The following NOP56 variants were observed in gnomAD, a reference collection of about 807,000 sequenced individuals.
NOP56 encodes the protein nucleolar protein 56.
Under a neutral mutation model 58.3 loss-of-function variants are expected in NOP56, and 31 were observed. The observed-to-expected ratio is 0.53, with a 90% CI of 0.40 to 0.72. The LOEUF (loss-of-function observed/expected upper bound fraction) is 0.72. Ranked by LOEUF, NOP56 falls within the 30% of genes least tolerant of loss-of-function variation. NOP56 has a pLI of 0.00. For missense variants in NOP56, 669 were observed against 739.9 expected (o/e 0.90, Z 1.11); for synonymous variants, 313 against 282.8 (o/e 1.11, Z -1.07).
At chr20:2,653,097 C>T in intron 2 of NOP56, 166 bp downstream of exon 2, 1 of 764,590 alleles carries the variant, frequency 1.3e-6, no homozygotes, top group South Asian at 1.8e-5. Context: ...TGGGTAGAAT[C>T]GCTCTAGCAA....
chr20:2,657,934 G>T lies in NOP56; in HGVS notation c.1425G>T (p.Met475Ile), dbSNP rs541896402. 5.7e-6 allele frequency: 9 copies of T among 1,583,032 alleles called. No individual in the cohort carries two copies. The South Asian group carries it at 6.9e-5, about 12-fold the overall frequency. The change falls in exon 12 of 12, where the codon ATG becomes ATT. Residue 475 changes from methionine (M) to isoleucine (I), a missense_variant. Met to Ile is a conservative substitution (Grantham distance 10). Transcript: ENST00000329276. ...TCCCCTGTCCTTCCCTTTAGGAGAT[G>T]AGTGAAAAACCCAAAAAGAAGAAAA... ...SSSTPEECEE[M>I]SEKPKKKKKQ...
rs551471610 is a variant in NOP56, at chr20:2,653,652, CTA to C, written c.208+261_208+262del. 1.2e-4 allele frequency: 53 copies of C among 431,024 alleles called. No individual in the cohort carries two copies. In the East Asian group the frequency reaches 1.7e-3, roughly 14 times the overall value. The allele number at this position is 431,024 out of a possible 1,614,324, so 26.7% of individuals were successfully genotyped here. On this transcript the variant is annotated intron_variant, in intron 3 of 11. Transcript: ENST00000329276. ...TCCTTGTGGGCACTGTAGTGACAAA[CTA>C]TTTTTTATTTTTATTTTTTTTGAGA... is the stretch of plus-strand genomic sequence containing the variant.
At chr20:2,654,298 GAGGGATCT>G in intron 3 of NOP56, 108 bp from the exon 4 acceptor site, 2 of 1,009,564 alleles carry the variant, frequency 2.0e-6, no homozygotes, top group Non-Finnish European at 3.2e-6. Flanking sequence ...GCCTGATGGG[GAGGGATCT>G]AGGTATGCCA....
chr20:2,654,402 C>CT lies in NOP56; in HGVS notation c.209-9dup. ...TCAGCCTGTTAGTGGGAACTGTGTTCTTTCCCCTGAGGGGTTGTTCATGAG... is the reference window on the plus strand; with the variant it reads ...TCAGCCTGTTAGTGGGAACTGTGTTCTTTTCCCCTGAGGGGTTGTTCATGAG... On this transcript the variant is annotated splice_polypyrimidine_tract_variant and intron_variant, in intron 3 of 11. Transcript: ENST00000329276. 6.2e-7 allele frequency: 1 copy of CT among 1,614,016 alleles called. No individual in the cohort carries two copies. The highest frequency in any genetic ancestry group is 2.2e-5 in the East Asian group (1 of 44,884).
intron 10 of NOP56, 76 bp from the exon 11 acceptor site, chr20:2,657,005 T>G (rs939285021): frequency 6.2e-7 from 1 of 1,613,878 alleles, no homozygotes; most frequent in African/African-American, 1.3e-5. Flanking sequence ...TTAATGAGCC[T>G]GATCCAATAA....
At chr20:2,653,463 A>T in intron 3 of NOP56, 70 bp downstream of exon 3, 1 of 1,316,944 alleles carries the variant, frequency 7.6e-7, no homozygotes, top group Non-Finnish European at 1.1e-6. Flanking sequence ...GCAGCTTGTG[A>T]TAGTATTTGC....
rs969408428 is a variant in NOP56 at position 2,658,170 on chromosome 20, G to A, written c.1661G>A (p.Ser554Asn). The A allele has an allele frequency of 1.1e-5, 17 of 1,612,484 alleles. No individual in the cohort carries two copies. The highest frequency in any genetic ancestry group is 1.4e-5 in the Non-Finnish European group (17 of 1,179,208). Reference protein sequence around the residue: ...VNDPEEAGHRSGSKKKRKFSK... With the variant: ...VNDPEEAGHRNGSKKKRKFSK... ...GACCCTGAGGAGGCAGGCCACAGAAGTGGCTCCAAGAAAAAGAGGAAATTC... is the reference window on the plus strand; with the variant it reads ...GACCCTGAGGAGGCAGGCCACAGAAATGGCTCCAAGAAAAAGAGGAAATTC... The change falls in exon 12 of 12, where the codon AGT becomes AAT. Residue 554 changes from serine to asparagine, a missense_variant. By Grantham distance (46) the Ser-to-Asn change is conservative. Coordinates refer to ENST00000329276, the MANE Select transcript of NOP56 (RefSeq NM_006392.4).
At chr20:2,653,204 T>C in intron 2 of NOP56, 75 bp from the exon 3 acceptor site, 1 of 1,227,818 alleles carries the variant, frequency 8.1e-7, no homozygotes, top group Middle Eastern at 2.2e-4. Flanking sequence ...CTTCCAAGGC[T>C]GAGAACCGCT....
intron 2 of NOP56, 85 bp from the exon 3 acceptor site, chr20:2,653,194 C>G (rs2086773155): frequency 8.8e-7 from 1 of 1,133,474 alleles, no homozygotes; most frequent in African/African-American, 1.5e-5. Context: ...ATTTTAAGAG[C>G]TTCCAAGGCT....
Position 2,655,602 on chromosome 20 carries a change from C to T in NOP56, c.765C>T (p.Asp255=), listed in dbSNP as rs145406628. 84 of 1,614,174 alleles carry T rather than the reference C, an allele frequency of 5.2e-5. No individual in the cohort carries two copies. The highest frequency in any genetic ancestry group is 6.9e-5 in the Non-Finnish European group (82 of 1,180,026). The change falls in exon 7 of 12, where the codon GAC becomes GAT. Residue 255 remains aspartate (D), a synonymous_variant. Transcript: ENST00000329276. Reference sequence around the variant, plus strand: ...ACACTTGGTTTTTCCTAGGCATGGACATATCTGCCATTGACTTGATAAACA... The same window carrying T: ...ACACTTGGTTTTTCCTAGGCATGGATATATCTGCCATTGACTTGATAAACA... ...LDASRSSMGM[D]ISAIDLINIE...
intron 9 of NOP56, 30 bp downstream of exon 9, chr20:2,656,579 A>G: frequency 6.3e-7 from 1 of 1,599,544 alleles, no homozygotes; most frequent in East Asian, 2.2e-5. Context: ...GGCAGGTGTG[A>G]GAAGGGGCTG....
chr20:2,654,089 A>C, intron 3 of NOP56: 1 of 533,848 alleles, frequency 1.9e-6, no homozygotes, highest in Non-Finnish European at 3.7e-6. Context: ...AGGCTGAGAA[A>C]AAAAGGTTTG....
Position 2,657,090 on chromosome 20 carries a change from G to T in NOP56, c.1291G>T (p.Ala431Ser), listed in dbSNP as rs1186000331. 2 of 1,614,140 alleles carry T rather than the reference G, an allele frequency of 1.2e-6. No individual in the cohort carries two copies. The highest frequency in any genetic ancestry group is 1.7e-6 in the Non-Finnish European group (2 of 1,180,028). The change falls in exon 11 of 12, where the codon GCG (alanine) becomes TCG (serine). Residue 431 changes from alanine (A) to serine (S), a missense_variant. Physicochemically the swap from Ala to Ser is moderately conservative, Grantham distance 99 (BLOSUM62 1). Coordinates refer to ENST00000329276, the MANE Select transcript of NOP56 (RefSeq NM_006392.4). The stretch of plus-strand genomic sequence containing the variant: ...ACTTTTCTTTGACCAGGCAGAGGAA[G>T]CGGCTGCTGAGATTACTAGGAAGCT... ...MKEAMVQAEEAAAEITRKLEK... is the reference protein window; with the variant it reads ...MKEAMVQAEESAAEITRKLEK...
rs776334561 is a variant in NOP56 at position 2,652,936 on chromosome 20, G to A, written c.93+5G>A. ...ATCAGTCTGCTGCAGCCGCAGGTGG[G>A]TGAGATCCGTGGGCTCCTTTGGCGG... On this transcript the variant is annotated splice_donor_5th_base_variant and intron_variant, in intron 2 of 11. Coordinates refer to ENST00000329276, the MANE Select transcript of NOP56 (RefSeq NM_006392.4). 1.3e-6 allele frequency: 2 copies of A among 1,593,312 alleles called. No individual in the cohort carries two copies. Among genetic ancestry groups the A allele is most frequent in the East Asian group, 2.3e-5 (1 of 43,830 alleles).
intron 10 of NOP56, 24 bp downstream of exon 10, chr20:2,656,919 G>A (rs138622955): frequency 0.01 from 16,713 of 1,614,080 alleles, 114 homozygotes; most frequent in Non-Finnish European, 0.012. Context: ...TGCTGGGTGT[G>A]GAGTGGCATA....
rs141828168 is a variant in NOP56 at position 2,653,209 on chromosome 20, A to G, written c.94-70A>G. Reference sequence around the variant, plus strand: ...ATTTTAAGAGCTTCCAAGGCTGAGAACCGCTGCTTGACTGCGCCGCAGAGG... The same window carrying G: ...ATTTTAAGAGCTTCCAAGGCTGAGAGCCGCTGCTTGACTGCGCCGCAGAGG... On this transcript the variant is annotated intron_variant, in intron 2 of 11. Transcript: ENST00000329276. The G allele has an allele frequency of 1.4e-3, 1,832 of 1,268,464 alleles. 5 individuals carry two copies. The highest frequency in any genetic ancestry group is 1.9e-3 in the Non-Finnish European group (1,676 of 867,956). 78.6% of individuals were successfully genotyped at this position (1,268,464 alleles called of 1,614,324 possible).
At position 2,654,247 on chromosome 20, in the gene NOP56, C is replaced by T. The variant is rs200822357; in HGVS notation, c.209-167C>T. On this transcript the variant is annotated intron_variant, in intron 3 of 11. Transcript: ENST00000329276. Reference sequence around the variant, plus strand: ...GACTTGCGAATCAAATCTGTCAATCCCCTGAGTGCAATCACTGATGTCTCC... The same window carrying T: ...GACTTGCGAATCAAATCTGTCAATCTCCTGAGTGCAATCACTGATGTCTCC... The T allele has an allele frequency of 1.2e-3, 1,001 of 803,160 alleles. 2 individuals carry two copies. Among genetic ancestry groups the T allele is most frequent in the Middle Eastern group, 4.2e-3 (19 of 4,484 alleles). 49.8% of individuals were successfully genotyped at this position (803,160 alleles called of 1,614,324 possible).
chr20:2,658,299 C>T lies in NOP56; in HGVS notation c.*5C>T. 6.3e-7 allele frequency: 1 copy of T among 1,598,362 alleles called. No homozygotes were observed. ...AAAGCATCCCAGGAAGATTAGAATG[C>T]AAATGGACATTCTCTGGGAGGTGGG... On this transcript the variant is annotated 3_prime_UTR_variant, in exon 12 of 12. Coordinates refer to ENST00000329276, the MANE Select transcript of NOP56 (RefSeq NM_006392.4).
At chr20:2,654,325 T>C (rs1568540889) in intron 3 of NOP56, 89 bp from the exon 4 acceptor site, 1 of 1,361,796 alleles carries the variant, frequency 7.3e-7, no homozygotes, top group Middle Eastern at 1.8e-4. Context: ...CATCCCAGCG[T>C]GCTCGGTGGG....
Sources: gnomAD v4.1 joint callset for allele counts on GRCh38, gnomAD v4.1.1 for gene constraint, MANE v1.5 for transcripts, NCBI Gene and HGNC (gene_info 2026-07-23, HGNC 2026-07-21) for gene names.